Variants in IGSF21 observed in about 807,000 individuals in gnomAD.
The protein encoded by IGSF21 is immunoglobin superfamily member 21.
In IGSF21, 28 loss-of-function variants were observed where a neutral mutation model predicts 46.8. That is an observed-to-expected ratio of 0.60 (90% confidence interval 0.44 to 0.82). The LOEUF is 0.82. Ranked by LOEUF, IGSF21 falls within the 40% of genes least tolerant of loss-of-function variation. IGSF21 has a pLI of 0.00. For missense variants in IGSF21, 624 were observed against 665.5 expected (o/e 0.94, Z 0.69); for synonymous variants, 284 against 273.6 (o/e 1.04, Z -0.38).
At chr1:18,226,187 G>T (rs2084564612) in intron 1 of IGSF21, among the ~76,000 whole-genome samples, 2 of 152,314 alleles carry the variant, frequency 1.3e-5, no homozygotes, top group South Asian at 4.1e-4. Context: ...CCATGGCTGG[G>T]ATCATCCAGG....
intron 1 of IGSF21, among the ~76,000 whole-genome samples, chr1:18,205,791 G>T (rs560863877): frequency 5.3e-4 from 80 of 152,336 alleles, no homozygotes; most frequent in African/African-American, 1.9e-3. Context: ...AACTGTCAGG[G>T]ATTCGTGAGA....
intron 1 of IGSF21, among the ~76,000 whole-genome samples, chr1:18,145,705 C>G (rs1233205278): frequency 6.6e-6 from 1 of 152,172 alleles, no homozygotes; most frequent in Non-Finnish European, 1.5e-5. Context: ...AATGCCATCC[C>G]TCATGTCGGC....
intron 3 of IGSF21, among the ~76,000 whole-genome samples, chr1:18,330,313 T>C (rs1262732689): frequency 1.3e-5 from 2 of 152,172 alleles, no homozygotes; most frequent in African/African-American, 2.4e-5. Flanking sequence ...AGAATCTGCC[T>C]TGGTTGGAAG....
chr1:18,318,637 C>T (rs557413531), intron 3 of IGSF21, among the ~76,000 whole-genome samples: 1 of 152,262 alleles, frequency 6.6e-6, no homozygotes, highest in African/African-American at 2.4e-5. Context: ...CCCTGAGCAC[C>T]TGACGGCCCC....
At chr1:18,164,088 G>C (rs1191972752) in intron 1 of IGSF21, among the ~76,000 whole-genome samples, 1 of 152,086 alleles carries the variant, frequency 6.6e-6, no homozygotes, top group African/African-American at 2.4e-5. Context: ...AATAATGATA[G>C]AACAGCATAC....
intron 4 of IGSF21, among the ~76,000 whole-genome samples, chr1:18,353,426 C>G (rs145523798): frequency 1.3e-5 from 2 of 152,044 alleles, no homozygotes; most frequent in African/African-American, 4.8e-5. Context: ...TGAGCAAATC[C>G]TGGTGTGCCA....
chr1:18,255,431 C>T (rs1038361771), intron 2 of IGSF21, among the ~76,000 whole-genome samples: 1 of 152,098 alleles, frequency 6.6e-6, no homozygotes, highest in Non-Finnish European at 1.5e-5. Flanking sequence ...ATGGACACAT[C>T]CTCACAGGAC....
intron 1 of IGSF21, among the ~76,000 whole-genome samples, chr1:18,203,721 G>T (rs1230030210): frequency 1.3e-5 from 2 of 152,348 alleles, no homozygotes; most frequent in East Asian, 3.9e-4. Context: ...AAGGGGAACA[G>T]GTGGGGTGGG....
intron 1 of IGSF21, among the ~76,000 whole-genome samples, chr1:18,207,976 G>T (rs1474864832): frequency 6.6e-6 from 1 of 152,162 alleles, no homozygotes; most frequent in East Asian, 1.9e-4. Context: ...AAAAAAACGG[G>T]TTCAAAAGTC....
At chr1:18,180,609 C>T (rs1157729134) in intron 1 of IGSF21, among the ~76,000 whole-genome samples, 2 of 152,228 alleles carry the variant, frequency 1.3e-5, no homozygotes, top group Admixed American at 1.3e-4. Flanking sequence ...GATGATTTCC[C>T]TTCCTACTCC....
At chr1:18,225,856 C>T (rs964118596) in intron 1 of IGSF21, among the ~76,000 whole-genome samples, 15 of 152,284 alleles carry the variant, frequency 9.9e-5, no homozygotes, top group South Asian at 2.1e-4. Context: ...GCTGTAATAG[C>T]GTGGTGGTTG....
intron 4 of IGSF21, among the ~76,000 whole-genome samples, chr1:18,357,119 G>A (rs974140662): frequency 3.3e-5 from 5 of 150,036 alleles, no homozygotes; most frequent in East Asian, 2.0e-4. Flanking sequence ...GAATAGAGAA[G>A]GAGATTGAGA....
chr1:18,301,667 T>A (rs1007159896), intron 3 of IGSF21, among the ~76,000 whole-genome samples: 1 of 152,220 alleles, frequency 6.6e-6, no homozygotes, highest in Non-Finnish European at 1.5e-5. Flanking sequence ...ATGCCCACCC[T>A]GTGCCAGGTC....
intron 2 of IGSF21, among the ~76,000 whole-genome samples, chr1:18,282,623 C>T (rs2085172195): frequency 6.8e-6 from 1 of 147,104 alleles, no homozygotes; most frequent in Admixed American, 6.9e-5. Flanking sequence ...GCCAAAAACT[C>T]ATCCCCTTAC....
intron 2 of IGSF21, among the ~76,000 whole-genome samples, chr1:18,242,595 G>C (rs552555942): frequency 1.3e-5 from 2 of 152,322 alleles, no homozygotes; most frequent in African/African-American, 4.8e-5. Flanking sequence ...TTATATGGGA[G>C]CAGGTGCTTC....
rs1350800834 is a variant in IGSF21, at chr1:18,109,206, C to A, written c.70+1008C>A. ...TTTCGCGCAGTGAGCAGAGAGCCAA[C>A]GTGAGGCTAAAAGCCAGGAGGGAGG... On this transcript the variant is annotated intron_variant, in intron 1 of 9. Coordinates refer to ENST00000251296, the MANE Select transcript of IGSF21 (RefSeq NM_032880.5). This position sits in a 1 kb window ranked among gnomAD's most constrained non-coding sequence, Gnocchi z 4.8. Among the ~76,000 whole-genome samples, 1 of 151,854 alleles carries A rather than the reference C, an allele frequency of 6.6e-6. No homozygotes were observed. Among genetic ancestry groups the A allele is most frequent in the African/African-American group, 2.4e-5 (1 of 41,318 alleles).
intron 3 of IGSF21, among the ~76,000 whole-genome samples, chr1:18,325,446 G>A (rs191950526): frequency 5.3e-5 from 8 of 152,076 alleles, no homozygotes; most frequent in African/African-American, 1.7e-4. Flanking sequence ...GTCTTCGAGC[G>A]GGCTTGTCTG....
chr1:18,241,733 G>C (rs1297715057), intron 2 of IGSF21, among the ~76,000 whole-genome samples: 1 of 152,160 alleles, frequency 6.6e-6, no homozygotes, highest in Non-Finnish European at 1.5e-5. Context: ...GGTGCGTTCA[G>C]GTCAGGTGCT....
chr1:18,139,504 G>A (rs1267978119), intron 1 of IGSF21, among the ~76,000 whole-genome samples: 10 of 152,282 alleles, frequency 6.6e-5, no homozygotes, highest in African/African-American at 2.4e-4. Context: ...CAGAGCCCAG[G>A]GCCTTCCCCT....
Sources: gnomAD v4.1 joint callset for allele counts (sites outside exome capture counted in the v4.1 genomes callset) on GRCh38, gnomAD v4.1.1 for gene constraint, Gnocchi (gnomAD v3.1) non-coding constraint, MANE v1.5 for transcripts, NCBI Gene and HGNC (gene_info 2026-07-23, HGNC 2026-07-21) for gene names.